TRAPPC10: variants seen among roughly 807,000 people sequenced by gnomAD.
TRAPPC10 encodes trafficking protein particle complex subunit 10, also known as TRAPP 130 kDa subunit.
A neutral mutation model predicts 125.5 loss-of-function variants in TRAPPC10; 23 were observed. The ratio of observed to expected loss-of-function variants is 0.18; its 90% CI spans 0.13 to 0.26. The LOEUF (loss-of-function observed/expected upper bound fraction) is 0.26, where lower values mean the gene tolerates loss of function less well. TRAPPC10 is among the 10% of genes least tolerant of loss of function. TRAPPC10 has a pLI of 1.00. For missense variants in TRAPPC10, 1,123 were observed against 1,308.4 expected (o/e 0.86, Z 2.19); for synonymous variants, 509 against 518.0 (o/e 0.98, Z 0.24).
intron 3 of TRAPPC10, among the ~76,000 whole-genome samples, chr21:44,041,467 CTT>C (rs1367815131): frequency 6.6e-6 from 1 of 152,070 alleles, no homozygotes; most frequent in African/African-American, 2.4e-5. Context: ...ACCTCTGCCT[CTT>C]GGGTTCAAGT....
At chr21:44,041,964 G>T (rs1329846667) in intron 3 of TRAPPC10, among the ~76,000 whole-genome samples, 4 of 151,900 alleles carry the variant, frequency 2.6e-5, no homozygotes, top group African/African-American at 9.7e-5. Context: ...GACATCAGGC[G>T]ATCTCCCAAA....
chr21:44,012,383 TGGCGCGGCCG>T lies in TRAPPC10; in HGVS notation c.-106_-97del. On this transcript the variant is annotated 5_prime_UTR_variant, in exon 1 of 23. Transcript: ENST00000291574. ...CGGCGCAACCGGCTCCGGAGCTGCC[TGGCGCGGCCG>T]GGCGGGCGGCGCCGCTCAGGCTCGG... 6 of 560,972 alleles carry T rather than the reference TGGCGCGGCCG, an allele frequency of 1.1e-5. No homozygotes were observed. Among genetic ancestry groups the T allele is most frequent in the Non-Finnish European group, 1.4e-5 (6 of 441,636 alleles). The allele number at this position is 560,972 out of a possible 1,614,324, so 34.7% of individuals were successfully genotyped here. A position where few individuals can be genotyped will look rare whatever the true frequency, so the allele number is the denominator to read the frequency against.
chr21:44,048,143 C>G (rs1419700083), intron 3 of TRAPPC10, among the ~76,000 whole-genome samples: 2 of 152,208 alleles, frequency 1.3e-5, no homozygotes, highest in African/African-American at 4.8e-5. Flanking sequence ...ATGGGTGGTT[C>G]CCGCATGTAC....
chr21:44,091,834 C>T (rs2038602041), intron 18 of TRAPPC10, 89 bp from the exon 19 acceptor site: 3 of 1,272,946 alleles, frequency 2.4e-6, no homozygotes, highest in Admixed American at 2.2e-5. Context: ...TTTGATTCCC[C>T]AGGCAGAGAG....
At position 44,059,123 on chromosome 21, in the gene TRAPPC10, C is replaced by T. The variant is rs763048864; in HGVS notation, c.699C>T (p.Phe233=). The T allele has an allele frequency of 8.8e-6, 14 of 1,596,264 alleles. No homozygotes were observed. The highest frequency in any genetic ancestry group is 4.6e-5 in the South Asian group (4 of 87,844). ...AATAGGAGGAGCTTGCCTTTGTTTT[C>T]GAGATGCTGCAGCAGTTCGAGGACG... ...FMVQEELAFV[F]EMLQQFEDAL... The change falls in exon 6 of 23, where the codon TTC becomes TTT. Residue 233 remains phenylalanine, a synonymous_variant. Coordinates refer to ENST00000291574, the MANE Select transcript of TRAPPC10 (RefSeq NM_003274.5). The surrounding 1 kb of genome is among the most constrained non-coding windows in gnomAD (Gnocchi z 4.4).
intron 3 of TRAPPC10, among the ~76,000 whole-genome samples, chr21:44,045,769 G>T (rs1176521585): frequency 1.3e-5 from 2 of 151,932 alleles, no homozygotes; most frequent in African/African-American, 4.8e-5. Flanking sequence ...TGTTGGCCAG[G>T]CTAGTCTCGA....
chr21:44,079,394 G>A, intron 11 of TRAPPC10, 170 bp from the exon 12 acceptor site: 1 of 632,216 alleles, frequency 1.6e-6, no homozygotes, highest in Non-Finnish European at 2.6e-6. Context: ...GTCGTCCTGA[G>A]TAGGTACTCT....
Position 44,082,684 on chromosome 21 carries a change from T to A in TRAPPC10, c.1724-104T>A. The stretch of plus-strand genomic sequence containing the variant: ...AGCTGCTGTGCCCATCACTGCTGCT[T>A]GCTTCAGTCTGCTCTCGGTGATCTT... On this transcript the variant is annotated intron_variant, in intron 13 of 22. Coordinates refer to ENST00000291574, the MANE Select transcript of TRAPPC10 (RefSeq NM_003274.5). The surrounding 1 kb of genome is among the most constrained non-coding windows in gnomAD (Gnocchi z 4.4). 7.6e-7 allele frequency: 1 copy of A among 1,309,098 alleles called. No homozygotes were observed. Among genetic ancestry groups the A allele is most frequent in the South Asian group, 1.3e-5 (1 of 76,638 alleles). 81.1% of individuals were successfully genotyped at this position (1,309,098 alleles called of 1,614,324 possible).
intron 19 of TRAPPC10, among the ~76,000 whole-genome samples, chr21:44,092,589 A>AT (rs1038331808): frequency 3.6e-5 from 4 of 111,472 alleles, no homozygotes; most frequent in African/African-American, 7.1e-5. Context: ...GGATGTCTGA[A>AT]TCTCAGCATT....
rs372675147 is a variant in TRAPPC10 at position 44,059,511 on chromosome 21, C to T, written c.790+297C>T. 17 of 755,970 alleles carry T rather than the reference C, an allele frequency of 2.2e-5. No homozygotes were observed. Among genetic ancestry groups the T allele is most frequent in the Middle Eastern group, 2.3e-4 (1 of 4,402 alleles). 46.8% of individuals were successfully genotyped at this position (755,970 alleles called of 1,614,324 possible). A position where few individuals can be genotyped will look rare whatever the true frequency, so the allele number is the denominator to read the frequency against. ...ACTCAGTGGCCTGCTGGTGATGCTT[C>T]GATTCTGTCCCTCGTTAGAATCAGA... On this transcript the variant is annotated intron_variant, in intron 6 of 22. Coordinates refer to ENST00000291574, the MANE Select transcript of TRAPPC10 (RefSeq NM_003274.5). The surrounding 1 kb of genome is among the most constrained non-coding windows in gnomAD (Gnocchi z 4.4).
At position 44,091,997 on chromosome 21, in the gene TRAPPC10, C is replaced by A; in HGVS notation, c.2945C>A (p.Thr982Asn). ...FQLSDSYLVD[T>N]GDSTDLQLVP... is the part of the protein sequence containing the mutation. ...CTGTCAGATAGTTATCTTGTAGATA[C>A]CGGTGATAGTACCGACCTGCAACTA... is the stretch of plus-strand genomic sequence containing the variant. The change falls in exon 19 of 23, where the codon ACC (threonine) becomes AAC (asparagine). Residue 982 changes from threonine (T) to asparagine (N), a missense_variant. Transcript: ENST00000291574. 2 of 1,614,092 alleles carry A rather than the reference C, an allele frequency of 1.2e-6. No individual in the cohort carries two copies. Among genetic ancestry groups the A allele is most frequent in the Non-Finnish European group, 1.7e-6 (2 of 1,180,016 alleles).
intron 1 of TRAPPC10, among the ~76,000 whole-genome samples, chr21:44,018,190 A>G (rs1355102027): frequency 1.3e-5 from 2 of 151,826 alleles, no homozygotes; most frequent in Non-Finnish European, 2.9e-5. Flanking sequence ...CTCTGAAATA[A>G]TCAAGTATGA....
intron 7 of TRAPPC10, among the ~76,000 whole-genome samples, chr21:44,068,716 T>A (rs1379118881): frequency 6.6e-6 from 1 of 152,134 alleles, no homozygotes; most frequent in Non-Finnish European, 1.5e-5. Flanking sequence ...TTCTCCTGCC[T>A]CAGCCAGTCA....
At chr21:44,078,042 TTTAA>T (rs538412096) in intron 11 of TRAPPC10, among the ~76,000 whole-genome samples, 4 of 152,316 alleles carry the variant, frequency 2.6e-5, no homozygotes, top group African/African-American at 4.8e-5. Context: ...TGTAACTAAG[TTTAA>T]TTAAAGAATT....
chr21:44,037,466 T>A (rs188838089), intron 2 of TRAPPC10, among the ~76,000 whole-genome samples: 4 of 152,342 alleles, frequency 2.6e-5, no homozygotes, highest in Admixed American at 6.5e-5. Flanking sequence ...TATGGTGACA[T>A]AATTATAGAT....
At chr21:44,032,225 A>C in intron 2 of TRAPPC10, 53 bp downstream of exon 2, 2 of 1,430,940 alleles carry the variant, frequency 1.4e-6, no homozygotes. Context: ...TTTAAAATGA[A>C]GTACATGTTT....
intron 1 of TRAPPC10, among the ~76,000 whole-genome samples, chr21:44,019,438 C>T (rs569298372): frequency 5.9e-5 from 9 of 152,220 alleles, no homozygotes; most frequent in Non-Finnish European, 1.3e-4. Context: ...GGCTTCCTGT[C>T]CTGTGTCTCA....
rs936699791 is a variant in TRAPPC10 at position 44,087,361 on chromosome 21, G to A, written c.2540-338G>A. ...CCTCCCAGCCACGAGGAAGGGGAAGGGGAGGACCCTGCTCCCCTGGGGTGG... is the reference window on the plus strand; with the variant it reads ...CCTCCCAGCCACGAGGAAGGGGAAGAGGAGGACCCTGCTCCCCTGGGGTGG... On this transcript the variant is annotated intron_variant, in intron 16 of 22. Transcript: ENST00000291574. This position sits in a 1 kb window ranked among gnomAD's most constrained non-coding sequence, Gnocchi z 4.6. Among the ~76,000 whole-genome samples the A allele has an allele frequency of 1.3e-5, 2 of 152,226 alleles. No homozygotes were observed. The highest frequency in any genetic ancestry group is 1.3e-4 in the Admixed American group (2 of 15,276).
At chr21:44,054,417 G>A (rs899158546) in intron 4 of TRAPPC10, among the ~76,000 whole-genome samples, 11 of 151,910 alleles carry the variant, frequency 7.2e-5, no homozygotes, top group African/African-American at 2.4e-4. Flanking sequence ...GCTGGGGCAC[G>A]GAAAAAAGGA....
Sources: allele counts gnomAD v4.1 joint callset (sites outside exome capture counted in the v4.1 genomes callset), GRCh38; gene constraint gnomAD v4.1.1; non-coding constraint Gnocchi (gnomAD v3.1); transcripts MANE v1.5; gene names NCBI Gene and HGNC (gene_info 2026-07-23, HGNC 2026-07-21).